The following KCTD13 variants were observed in gnomAD, a reference collection of about 807,000 sequenced individuals.
The protein encoded by KCTD13 is BTB/POZ domain-containing adapter for CUL3-mediated RhoA degradation protein 1.
Under a neutral mutation model 32.3 loss-of-function variants are expected in KCTD13, and 15 were observed. The observed-to-expected ratio is 0.46, with a 90% CI of 0.31 to 0.71. The LOEUF is 0.71. KCTD13 is among the 30% of genes least tolerant of loss of function. KCTD13 has a pLI of 0.05. For missense variants in KCTD13, 337 were observed against 452.6 expected, an observed-to-expected ratio of 0.74 and a Z score of 2.32; for synonymous variants, 189 against 200.1, an observed-to-expected ratio of 0.94 and a Z score of 0.47.
At chr16:29,908,921 C>T (rs532822235) in intron 5 of KCTD13, among the ~76,000 whole-genome samples, 1 of 152,014 alleles carries the variant, frequency 6.6e-6, no homozygotes, top group Admixed American at 6.6e-5. Flanking sequence ...CCTCAAACTC[C>T]TGGCCTTAAT....
At chr16:29,923,902 C>T (rs937008679) in intron 1 of KCTD13, among the ~76,000 whole-genome samples, 6 of 151,564 alleles carry the variant, frequency 4.0e-5, no homozygotes, top group African/African-American at 1.2e-4. Flanking sequence ...AGGCCGGGCA[C>T]GGTGACTGAC....
intron 5 of KCTD13, 78 bp downstream of exon 5, chr16:29,910,900 C>G (rs985864040): frequency 7.8e-6 from 11 of 1,405,976 alleles, no homozygotes; most frequent in African/African-American, 7.1e-5. Flanking sequence ...GGCTCCTTCC[C>G]CTGCCAACCT....
At chr16:29,919,545 C>T (rs953788780) in intron 2 of KCTD13, 1 of 152,066 alleles carries the variant, frequency 6.6e-6, no homozygotes, top group Non-Finnish European at 1.5e-5. Context: ...CCAGATGCAA[C>T]GTGAAGATCT....
At chr16:29,916,888 C>CA (rs1335114950) in intron 2 of KCTD13, among the ~76,000 whole-genome samples, 1 of 152,122 alleles carries the variant, frequency 6.6e-6, no homozygotes, top group African/African-American at 2.4e-5. Context: ...GACAGGTCAC[C>CA]ACTATGGCGG....
chr16:29,911,720 A>T, intron 4 of KCTD13, 95 bp downstream of exon 4: 1 of 1,337,842 alleles, frequency 7.5e-7, no homozygotes, highest in Non-Finnish European at 1.1e-6. Flanking sequence ...ATGTTCTTGT[A>T]GGCCCCCCGT....
At chr16:29,909,141 G>A (rs2068662123) in intron 5 of KCTD13, among the ~76,000 whole-genome samples, 1 of 152,130 alleles carries the variant, frequency 6.6e-6, no homozygotes, top group Admixed American at 6.6e-5. Flanking sequence ...AAAAAGACAT[G>A]GCCCTGCCCT....
At chr16:29,916,934 C>G (rs918443552) in intron 2 of KCTD13, among the ~76,000 whole-genome samples, 1 of 152,144 alleles carries the variant, frequency 6.6e-6, no homozygotes, top group Admixed American at 6.5e-5. Context: ...GGCTTCAGTT[C>G]CTCACCAAGT....
chr16:29,907,742 T>C lies in KCTD13; in HGVS notation c.754-634A>G, dbSNP rs2150832080. On this transcript the variant is annotated intron_variant, in intron 5 of 5. Coordinates refer to ENST00000568000, the MANE Select transcript of KCTD13 (RefSeq NM_178863.5). ...GGTGGAGGTTGCAGTGAGCCAAGAT[T>C]GTACCACTGCACTCCAACCTGGGTG... is the stretch of plus-strand genomic sequence containing the variant. 1.3e-5 allele frequency among the ~76,000 whole-genome samples: 2 copies of C among 152,124 alleles called. 1 individual carries two copies. Among genetic ancestry groups the C allele is most frequent in the South Asian group, 4.2e-4 (2 of 4,818 alleles).
At chr16:29,909,394 A>G (rs921802609) in intron 5 of KCTD13, among the ~76,000 whole-genome samples, 2 of 152,196 alleles carry the variant, frequency 1.3e-5, no homozygotes, top group African/African-American at 4.8e-5. Context: ...GTAAGAGGTA[A>G]GAAATAGCAC....
Position 29,906,751 on chromosome 16 carries a change from G to T in KCTD13, c.*121C>A. 1.3e-6 allele frequency: 1 copy of T among 781,526 alleles called. No homozygotes were observed. The highest frequency in any genetic ancestry group is 2.1e-6 in the Non-Finnish European group (1 of 468,146). The allele number at this position is 781,526 out of a possible 1,614,324, so 48.4% of individuals were successfully genotyped here. ...GCCAAAGTGAGCTGTGCCATGCAAT[G>T]AAGGGACAGAGGAGGACCCACGACT... On this transcript the variant is annotated 3_prime_UTR_variant, in exon 6 of 6. Coordinates refer to ENST00000568000, the MANE Select transcript of KCTD13 (RefSeq NM_178863.5).
Position 29,910,971 on chromosome 16 carries a change from C to T in KCTD13, c.753+7G>A, listed in dbSNP as rs2068697804. 2 of 1,613,120 alleles carry T rather than the reference C, an allele frequency of 1.2e-6. No individual in the cohort carries two copies. Among genetic ancestry groups the T allele is most frequent in the Non-Finnish European group, 1.7e-6 (2 of 1,179,434 alleles). On this transcript the variant is annotated splice_region_variant and intron_variant, in intron 5 of 5. Coordinates refer to ENST00000568000, the MANE Select transcript of KCTD13 (RefSeq NM_178863.5). Reference sequence around the variant, plus strand: ...GCCCCCAACATAGGCTCTGGAGCCCCTCTGACCTTGGTCTGCTTCTTCTCC... The same window carrying T: ...GCCCCCAACATAGGCTCTGGAGCCCTTCTGACCTTGGTCTGCTTCTTCTCC...
In KCTD13 at chr16:29,912,017, G is replaced by A. The variant is rs1317243500; in HGVS notation, c.447C>T (p.Leu149=). 1 of 1,611,222 alleles carries A rather than the reference G, an allele frequency of 6.2e-7. No individual in the cohort carries two copies. The highest frequency in any genetic ancestry group is 1.1e-5 in the South Asian group (1 of 90,726). The stretch of plus-strand genomic sequence containing the variant: ...CCCGGGGAGATGTCACCATGGGGAT[G>A]AGGCACAGCGGGGACAGCGTCTCCC... ...QKRETLSPLC[L]IPMVTSPREE... is the part of the protein sequence containing the mutation. Residue 149 remains leucine, a synonymous_variant, in exon 3 of 6, where the codon CTC becomes CTT. Transcript: ENST00000568000.
chr16:29,923,164 G>C (rs1402748159), intron 2 of KCTD13, 26 bp downstream of exon 2: 4 of 1,612,566 alleles, frequency 2.5e-6, no homozygotes, highest in Non-Finnish European at 1.7e-6. Context: ...CAGGAACATA[G>C]GCATGGGGAC....
intron 2 of KCTD13, among the ~76,000 whole-genome samples, chr16:29,916,026 G>A (rs916078389): frequency 6.6e-6 from 1 of 152,026 alleles, no homozygotes; most frequent in African/African-American, 2.4e-5. Flanking sequence ...AAGCCAGGTG[G>A]CACCTTCAAC....
At chr16:29,920,866 TA>T in intron 2 of KCTD13, 1 of 152,216 alleles carries the variant, frequency 6.6e-6, no homozygotes, top group Admixed American at 6.5e-5. Flanking sequence ...GGTGTCCTGT[TA>T]TCCAGCAATT....
intron 5 of KCTD13, among the ~76,000 whole-genome samples, chr16:29,909,444 G>C (rs1419227675): frequency 6.6e-6 from 1 of 152,196 alleles, no homozygotes; most frequent in East Asian, 1.9e-4. Flanking sequence ...GTGTACCTGA[G>C]GCATGTGGCT....
intron 2 of KCTD13, chr16:29,921,006 T>C (rs1453298976): frequency 6.6e-6 from 1 of 152,066 alleles, no homozygotes; most frequent in Non-Finnish European, 1.5e-5. Flanking sequence ...CTCAGGGGAA[T>C]GTATGAACAA....
chr16:29,920,339 AAAAC>A (rs906825952), intron 2 of KCTD13: 5 of 152,280 alleles, frequency 3.3e-5, no homozygotes, highest in Non-Finnish European at 7.3e-5. Context: ...AAGAAAAACA[AAAAC>A]AAAAACAAAA....
chr16:29,911,461 T>C (rs2068707974), intron 4 of KCTD13: 2 of 559,836 alleles, frequency 3.6e-6, no homozygotes, highest in Non-Finnish European at 6.3e-6. Context: ...TGGGTGACAC[T>C]AGGCAAGTTA....
Sources: allele counts gnomAD v4.1 joint callset (sites outside exome capture counted in the v4.1 genomes callset), GRCh38; gene constraint gnomAD v4.1.1; transcripts MANE v1.5; gene names NCBI Gene and HGNC (gene_info 2026-07-23, HGNC 2026-07-21).